The following C19orf44 variants were observed in gnomAD, a reference collection of about 807,000 sequenced individuals.
C19orf44 encodes uncharacterized protein C19orf44.
Under a neutral mutation model 50.7 loss-of-function variants are expected in C19orf44, and 43 were observed. That is an observed-to-expected ratio of 0.85 (90% CI 0.66 to 1.09). The LOEUF is 1.09. Ranked by LOEUF, C19orf44 falls within the 50% of genes least tolerant of loss-of-function variation. The probability of loss-of-function intolerance (pLI) is 0.00; values close to 1 mark genes in which losing one functional copy is unlikely to be tolerated. For synonymous variants in C19orf44, 298 were observed against 334.7 expected, an observed-to-expected ratio of 0.89 and a Z score of 1.20; for missense variants, 722 against 836.2, an observed-to-expected ratio of 0.86 and a Z score of 1.68.
In C19orf44 at chr19:16,519,059, G is replaced by T; in HGVS notation, c.*41-1035G>T. ...GTGGCTCTCCACAAGTGGAGACGGTGTAAGAACTGAGCTGTCACTGCAATC... is the reference window on the plus strand; with the variant it reads ...GTGGCTCTCCACAAGTGGAGACGGTTTAAGAACTGAGCTGTCACTGCAATC... On this transcript the variant is annotated intron_variant, in intron 8 of 8. Coordinates refer to ENST00000221671, the MANE Select transcript of C19orf44 (RefSeq NM_032207.4). This position sits in a 1 kb window ranked among gnomAD's most constrained non-coding sequence, Gnocchi z 6.0. The T allele has an allele frequency of 1.8e-6, 2 of 1,090,836 alleles. No individual in the cohort carries two copies. Among genetic ancestry groups the T allele is most frequent in the Non-Finnish European group, 2.7e-6 (2 of 752,538 alleles). 67.6% of individuals were successfully genotyped at this position (1,090,836 alleles called of 1,614,324 possible).
chr19:16,509,755 C>T lies in C19orf44; in HGVS notation c.1406C>T (p.Ser469Leu), dbSNP rs772162433. ...PMVNTVSSAY[S>L]EDFENSPSLT... ...GTGAACACAGTCAGCTCAGCTTATT[C>T]GGAGGATTTTGAAAACTCTCCAAGT... Residue 469 changes from serine to leucine, a missense_variant, in exon 5 of 9, where the codon TCG (serine) becomes TTG (leucine). Coordinates refer to ENST00000221671, the MANE Select transcript of C19orf44 (RefSeq NM_032207.4). 5 of 1,614,258 alleles carry T rather than the reference C, an allele frequency of 3.1e-6. No individual in the cohort carries two copies. Among genetic ancestry groups the T allele is most frequent in the African/African-American group, 2.7e-5 (2 of 75,068 alleles).
Position 16,509,482 on chromosome 19 carries a change from G to T in C19orf44, c.1150-17G>T. ...TCCAAAACACTTCCCAGCCACCTCT[G>T]CCATTCTTCATTTTAGGAGGAAAGT... is the stretch of plus-strand genomic sequence containing the variant. On this transcript the variant is annotated splice_polypyrimidine_tract_variant and intron_variant, in intron 4 of 8. Coordinates refer to ENST00000221671, the MANE Select transcript of C19orf44 (RefSeq NM_032207.4). 8 of 1,529,672 alleles carry T rather than the reference G, an allele frequency of 5.2e-6. No individual in the cohort carries two copies. The highest frequency in any genetic ancestry group is 7.0e-6 in the Non-Finnish European group (8 of 1,141,666). The allele number at this position is 1,529,672 out of a possible 1,614,324, so 94.8% of individuals were successfully genotyped here.
intron 6 of C19orf44, 108 bp downstream of exon 6, chr19:16,513,217 CA>C: frequency 9.1e-7 from 1 of 1,100,948 alleles, no homozygotes; most frequent in Non-Finnish European, 1.3e-6. Flanking sequence ...TGCTGGCTTC[CA>C]GGGGTCCATT....
rs73023039 is a variant in C19orf44 at position 16,514,954 on chromosome 19, A to T, written c.1902+291A>T. 2.4e-3 allele frequency among the ~76,000 whole-genome samples: 373 copies of T among 152,322 alleles called. 6 individuals are homozygous for T. The highest frequency in any genetic ancestry group is 5.6e-3 in the South Asian group (27 of 4,832). Reference sequence around the variant, plus strand: ...ACTGTTCGTGGCACTGTTTTCTCCCATGGGAGGGGTCCTGTCCCTTTCCCT... The same window carrying T: ...ACTGTTCGTGGCACTGTTTTCTCCCTTGGGAGGGGTCCTGTCCCTTTCCCT... On this transcript the variant is annotated intron_variant, in intron 7 of 8. Coordinates refer to ENST00000221671, the MANE Select transcript of C19orf44 (RefSeq NM_032207.4).
In C19orf44 at chr19:16,497,352, C is replaced by CTTTTTTTTTTTTTTTTTTTTT. The variant is rs71180303; in HGVS notation, c.-2+903_-2+904insTTTTTTTTTTTTTTTTTTTTT. ...GTCTGGCTACTTTCTTTTTTCTTTC[C>CTTTTTTTTTTTTTTTTTTTTT]TTTTTTTTTTTTTTTTGAGACAGAT... On this transcript the variant is annotated intron_variant, in intron 1 of 8. Coordinates refer to ENST00000221671, the MANE Select transcript of C19orf44 (RefSeq NM_032207.4). Among the ~76,000 whole-genome samples, 2 of 127,034 alleles carry CTTTTTTTTTTTTTTTTTTTTT rather than the reference C, an allele frequency of 1.6e-5. 1 individual carries two copies. The allele number at this position is 127,034 out of a possible 152,430, so 83.3% of individuals were successfully genotyped here. A position where few individuals can be genotyped will look rare whatever the true frequency, so the allele number is the denominator to read the frequency against.
intron 2 of C19orf44, among the ~76,000 whole-genome samples, chr19:16,501,780 G>C (rs1484913796): frequency 1.3e-5 from 2 of 151,566 alleles, no homozygotes; most frequent in Non-Finnish European, 2.9e-5. Context: ...TAGTAGAGAT[G>C]GGGTTTCTCC....
chr19:16,503,032 A>G (rs777950896), intron 2 of C19orf44, 33 bp from the exon 3 acceptor site: 1 of 1,570,830 alleles, frequency 6.4e-7, no homozygotes. Flanking sequence ...CTTAGTTGTC[A>G]TAAGTTTGTT....
At chr19:16,517,189 G>C in intron 7 of C19orf44, 41 bp from the exon 8 acceptor site, 1 of 1,578,098 alleles carries the variant, frequency 6.3e-7, no homozygotes, top group Non-Finnish European at 8.7e-7. Flanking sequence ...AGTGTACTGA[G>C]GTGACGATGG....
intron 7 of C19orf44, among the ~76,000 whole-genome samples, chr19:16,515,405 T>C (rs1378072621): frequency 6.6e-6 from 1 of 152,212 alleles, no homozygotes; most frequent in Non-Finnish European, 1.5e-5. Context: ...CGTGGCTGTT[T>C]TCTGAAAATC....
In C19orf44 at chr19:16,520,614, G is replaced by A; in HGVS notation, c.*561G>A. On this transcript the variant is annotated 3_prime_UTR_variant, in exon 9 of 9. Transcript: ENST00000221671. The surrounding 1 kb of genome is among the most constrained non-coding windows in gnomAD (Gnocchi z 4.0). ...CCCCAGATGCAGGGGCTCTGGCTGT[G>A]GATGTGGCGCCATAGCCACAGCAAC... is the stretch of plus-strand genomic sequence containing the variant. The A allele has an allele frequency of 1.5e-6, 2 of 1,351,436 alleles. No individual in the cohort carries two copies. The highest frequency in any genetic ancestry group is 1.0e-6 in the Non-Finnish European group (1 of 974,120). 83.7% of individuals were successfully genotyped at this position (1,351,436 alleles called of 1,614,324 possible).
chr19:16,501,705 C>T (rs1413290964), intron 2 of C19orf44, among the ~76,000 whole-genome samples, 154 bp downstream of exon 2: 3 of 151,236 alleles, frequency 2.0e-5, no homozygotes, highest in Non-Finnish European at 2.9e-5. Context: ...GATTCTCCTG[C>T]CTCAGCCTCC....
chr19:16,505,548 A>C (rs543585692), intron 3 of C19orf44, among the ~76,000 whole-genome samples: 1 of 152,188 alleles, frequency 6.6e-6, no homozygotes, highest in Non-Finnish European at 1.5e-5. Flanking sequence ...CTCAGAAGGC[A>C]GCCACGCTCC....
chr19:16,515,097 C>T (rs939641589), intron 7 of C19orf44, among the ~76,000 whole-genome samples: 24 of 152,202 alleles, frequency 1.6e-4, no homozygotes, highest in African/African-American at 5.8e-4. Context: ...CAGCCAGGTG[C>T]CGTGGCTCAC....
intron 2 of C19orf44, 24 bp downstream of exon 2, chr19:16,501,575 AT>A: frequency 7.8e-7 from 1 of 1,287,414 alleles, no homozygotes; most frequent in Non-Finnish European, 1.0e-6. Flanking sequence ...TTTTTGGTAA[AT>A]TTATTTTAAT....
At chr19:16,515,736 G>GT (rs748144848) in intron 7 of C19orf44, among the ~76,000 whole-genome samples, 11 of 151,168 alleles carry the variant, frequency 7.3e-5, no homozygotes, top group Non-Finnish European at 1.5e-4. Context: ...GCCTGGCCAC[G>GT]TATTTCTTTA....
chr19:16,520,664 G>C lies in C19orf44; in HGVS notation c.*611G>C, dbSNP rs1277722556. The C allele has an allele frequency of 1.8e-6, 2 of 1,134,306 alleles. No homozygotes were observed. The highest frequency in any genetic ancestry group is 4.7e-5 in the East Asian group (2 of 42,174). 70.3% of individuals were successfully genotyped at this position (1,134,306 alleles called of 1,614,324 possible). A position where few individuals can be genotyped will look rare whatever the true frequency, so the allele number is the denominator to read the frequency against. ...CGGTACCAAGTTCCTAAATAGTGTG[G>C]CCGAGCCTGCTGCTGTGTGAATTCA... is the stretch of plus-strand genomic sequence containing the variant. On this transcript the variant is annotated 3_prime_UTR_variant, in exon 9 of 9. Coordinates refer to ENST00000221671, the MANE Select transcript of C19orf44 (RefSeq NM_032207.4). The surrounding 1 kb of genome is among the most constrained non-coding windows in gnomAD (Gnocchi z 4.0).
Position 16,509,527 on chromosome 19 carries a change from C to G in C19orf44, c.1178C>G (p.Ala393Gly). The change falls in exon 5 of 9, where the codon GCT (alanine) becomes GGT (glycine). Residue 393 changes from alanine (A) to glycine (G), a missense_variant. Transcript: ENST00000221671. Reference protein sequence around the residue: ...EEESAQRQKTAGKIFRAEAST... With the variant: ...EEESAQRQKTGGKIFRAEAST... ...GAAAGTGCTCAGAGACAAAAAACAGCTGGCAAAATCTTCAGAGCCGAGGCG... is the reference window on the plus strand; with the variant it reads ...GAAAGTGCTCAGAGACAAAAAACAGGTGGCAAAATCTTCAGAGCCGAGGCG... 6.5e-7 allele frequency: 1 copy of G among 1,548,016 alleles called. No individual in the cohort carries two copies. The highest frequency in any genetic ancestry group is 1.2e-5 in the South Asian group (1 of 80,268).
chr19:16,510,885 G>A (rs982005089), intron 5 of C19orf44, among the ~76,000 whole-genome samples: 2 of 151,812 alleles, frequency 1.3e-5, no homozygotes, highest in African/African-American at 2.4e-5. Context: ...ACAAGCATGC[G>A]CCCCCATGCC....
chr19:16,501,561 T>C lies in C19orf44; in HGVS notation c.759+10T>C. The C allele has an allele frequency of 7.3e-7, 1 of 1,379,086 alleles. No individual in the cohort carries two copies. The highest frequency in any genetic ancestry group is 2.7e-5 in the East Asian group (1 of 37,086). The allele number at this position is 1,379,086 out of a possible 1,614,324, so 85.4% of individuals were successfully genotyped here. A position where few individuals can be genotyped will look rare whatever the true frequency, so the allele number is the denominator to read the frequency against. On this transcript the variant is annotated intron_variant, in intron 2 of 8. Transcript: ENST00000221671. ...AAGAAAACTATTTTCGGTGAGATTT[T>C]TTTTTTTTGGTAAATTTATTTTAAT...
Sources: allele counts gnomAD v4.1 joint callset (sites outside exome capture counted in the v4.1 genomes callset), GRCh38; gene constraint gnomAD v4.1.1; non-coding constraint Gnocchi (gnomAD v3.1); transcripts MANE v1.5; gene names NCBI Gene and HGNC (gene_info 2026-07-23, HGNC 2026-07-21).